The following FBXL20 variants were observed in gnomAD, a reference collection of about 807,000 sequenced individuals.
FBXL20 encodes F-box and leucine rich repeat protein 20.
A neutral mutation model predicts 64.0 loss-of-function variants in FBXL20; 11 were observed. The ratio of observed to expected loss-of-function variants is 0.17; its 90% confidence interval spans 0.11 to 0.28. The LOEUF (loss-of-function observed/expected upper bound fraction) is 0.28, where lower values mean the gene tolerates loss of function less well. Among genes scored for constraint, FBXL20 ranks in the 10% least tolerant of loss-of-function variants. The pLI is 1.00. For missense variants in FBXL20, 303 were observed against 526.2 expected, an observed-to-expected ratio of 0.58 and a Z score of 4.15; for synonymous variants, 184 against 189.0, an observed-to-expected ratio of 0.97 and a Z score of 0.22.
chr17:39,314,998 T>C (rs1201746835), intron 2 of FBXL20, among the ~76,000 whole-genome samples: 1 of 152,050 alleles, frequency 6.6e-6, no homozygotes, highest in Non-Finnish European at 1.5e-5. Flanking sequence ...GGTTTCACCA[T>C]GTTGGCCAGG....
At chr17:39,386,357 C>T (rs746953810) in intron 1 of FBXL20, among the ~76,000 whole-genome samples, 9 of 151,356 alleles carry the variant, frequency 5.9e-5, no homozygotes, top group Admixed American at 2.6e-4. Flanking sequence ...GGACGGGTGA[C>T]GTGACTCACG....
At position 39,268,850 on chromosome 17, in the gene FBXL20, T is replaced by C; in HGVS notation, c.910A>G (p.Met304Val). 1 of 1,613,936 alleles carries C rather than the reference T, an allele frequency of 6.2e-7. No homozygotes were observed. The highest frequency in any genetic ancestry group is 8.5e-7 in the Non-Finnish European group (1 of 1,179,904). Residue 304 changes from methionine (M) to valine (V), a missense_variant, in exon 12 of 15, where the codon ATG (methionine) becomes GTG (valine). Met to Val is a conservative substitution (Grantham distance 21). Transcript: ENST00000264658. Reference protein sequence around the residue: ...LARNCHELEKMDLEECVQITD... With the variant: ...LARNCHELEKVDLEECVQITD... ...ACCTGAACACACTCTTCCAGGTCCA[T>C]CTTTTCAAGTTCATGGCAATTCTAC...
At chr17:39,354,085 T>C (rs1431141056) in intron 1 of FBXL20, among the ~76,000 whole-genome samples, 1 of 152,170 alleles carries the variant, frequency 6.6e-6, no homozygotes, top group Non-Finnish European at 1.5e-5. Context: ...ACAGAAATTT[T>C]AAAGGTACAA....
intron 1 of FBXL20, among the ~76,000 whole-genome samples, chr17:39,353,484 G>A (rs1163154094): frequency 1.3e-5 from 2 of 151,822 alleles, no homozygotes; most frequent in African/African-American, 4.8e-5. Flanking sequence ...CTTATCATAG[G>A]TATATAAGTA....
At chr17:39,264,877 A>T (rs2046777964) in intron 13 of FBXL20, among the ~76,000 whole-genome samples, 1 of 152,172 alleles carries the variant, frequency 6.6e-6, no homozygotes, top group Admixed American at 6.6e-5. Context: ...ATCCTGGGAA[A>T]CTCAGAAAAT....
chr17:39,344,180 C>T (rs1025064586), intron 1 of FBXL20, among the ~76,000 whole-genome samples: 1 of 151,880 alleles, frequency 6.6e-6, no homozygotes, highest in Middle Eastern at 3.2e-3. Context: ...GGAACTCTGT[C>T]GCTACCAAAA....
intron 2 of FBXL20, among the ~76,000 whole-genome samples, chr17:39,325,927 A>T (rs1486255076): frequency 2.0e-5 from 3 of 152,118 alleles, no homozygotes; most frequent in Admixed American, 6.6e-5. Flanking sequence ...GTGATCCCCA[A>T]TGTTGGAGGT....
At chr17:39,307,144 T>C (rs1273640895) in intron 2 of FBXL20, among the ~76,000 whole-genome samples, 1 of 152,150 alleles carries the variant, frequency 6.6e-6, no homozygotes, top group Admixed American at 6.6e-5. Context: ...ATTTGGAGGG[T>C]GGTGAGTTTC....
chr17:39,376,359 A>G (rs993657475), intron 1 of FBXL20, among the ~76,000 whole-genome samples: 3 of 152,174 alleles, frequency 2.0e-5, no homozygotes, highest in African/African-American at 7.2e-5. Context: ...TGACTGAGGG[A>G]CAGATAATAA....
intron 1 of FBXL20, among the ~76,000 whole-genome samples, chr17:39,378,124 T>C (rs750741401): frequency 2.0e-5 from 3 of 152,118 alleles, no homozygotes; most frequent in Non-Finnish European, 4.4e-5. Context: ...ACAATACTAA[T>C]ACAACAAGTA....
At chr17:39,335,444 C>G (rs1359716788) in intron 2 of FBXL20, among the ~76,000 whole-genome samples, 1 of 151,810 alleles carries the variant, frequency 6.6e-6, no homozygotes, top group African/African-American at 2.4e-5. Flanking sequence ...ATTAGCCAGG[C>G]ATGGTGGCAC....
chr17:39,356,797 G>T (rs1049909247), intron 1 of FBXL20, among the ~76,000 whole-genome samples: 1 of 150,608 alleles, frequency 6.6e-6, no homozygotes, highest in African/African-American at 2.5e-5. Context: ...CTGGAACTAC[G>T]GGTGCGTGCC....
intron 6 of FBXL20, among the ~76,000 whole-genome samples, chr17:39,292,259 T>C (rs1235464878): frequency 1.3e-5 from 2 of 150,810 alleles, no homozygotes; most frequent in African/African-American, 2.5e-5. Context: ...CGCCATCTGA[T>C]ATTACTGTCC....
At chr17:39,346,636 C>A (rs2047635249) in intron 1 of FBXL20, among the ~76,000 whole-genome samples, 1 of 148,276 alleles carries the variant, frequency 6.7e-6, no homozygotes, top group Admixed American at 6.8e-5. Flanking sequence ...AAAGTTGAAT[C>A]ATTTAGCAGG....
intron 2 of FBXL20, among the ~76,000 whole-genome samples, chr17:39,339,659 T>C (rs1350991459): frequency 1.6e-5 from 1 of 64,186 alleles, no homozygotes; most frequent in Admixed American, 1.6e-4. Flanking sequence ...TCACAGAACT[T>C]TTTTTTTTTT....
At position 39,401,610 on chromosome 17, in the gene FBXL20, C is replaced by T. The variant is rs1002562398; in HGVS notation, c.-208G>A. 1 of 1,403,484 alleles carries T rather than the reference C, an allele frequency of 7.1e-7. No homozygotes were observed. Among genetic ancestry groups the T allele is most frequent in the Non-Finnish European group, 9.2e-7 (1 of 1,087,898 alleles). The allele number at this position is 1,403,484 out of a possible 1,614,324, so 86.9% of individuals were successfully genotyped here. ...CGGCGGCCGCAACGACTGCTCGTCG[C>T]TAGCTCGGCTCTCTCCTCAGCCTCA... On this transcript the variant is annotated 5_prime_UTR_variant, in exon 1 of 15. Transcript: ENST00000264658.
At chr17:39,329,197 C>A (rs1187235668) in intron 2 of FBXL20, among the ~76,000 whole-genome samples, 1 of 152,158 alleles carries the variant, frequency 6.6e-6, no homozygotes, top group Non-Finnish European at 1.5e-5. Flanking sequence ...AGTAAGAGGA[C>A]AAACAGACAT....
intron 1 of FBXL20, among the ~76,000 whole-genome samples, chr17:39,361,247 A>T (rs545687363): frequency 8.4e-4 from 128 of 152,188 alleles, no homozygotes; most frequent in African/African-American, 3.0e-3. Flanking sequence ...AAGAGCCATC[A>T]ATCAGAGAAG....
intron 1 of FBXL20, among the ~76,000 whole-genome samples, chr17:39,371,445 T>G (rs570022319): frequency 6.6e-6 from 1 of 152,214 alleles, no homozygotes; most frequent in African/African-American, 2.4e-5. Context: ...AGCTTTTACT[T>G]GGCTGCAGGC....
Sources: allele counts gnomAD v4.1 joint callset (sites outside exome capture counted in the v4.1 genomes callset), GRCh38; gene constraint gnomAD v4.1.1; transcripts MANE v1.5; gene names NCBI Gene and HGNC (gene_info 2026-07-23, HGNC 2026-07-21).